Variants in RASEF observed in about 807,000 individuals in gnomAD.
RASEF encodes ras and EF-hand domain-containing protein.
In RASEF, 68 loss-of-function variants were observed where a neutral mutation model predicts 90.1. The ratio of observed to expected loss-of-function variants is 0.75; its 90% CI spans 0.62 to 0.92. The LOEUF is 0.92. RASEF is among the 40% of genes least tolerant of loss of function. The probability of loss-of-function intolerance (pLI) is 0.00; values close to 1 mark genes in which losing one functional copy is unlikely to be tolerated. For synonymous variants in RASEF, 331 were observed against 345.2 expected, an observed-to-expected ratio of 0.96 and a Z score of 0.46; for missense variants, 949 against 937.2, an observed-to-expected ratio of 1.01 and a Z score of -0.16.
the RASEF span, among the ~76,000 whole-genome samples, chr9:83,146,624 T>C: frequency 6.6e-6 from 1 of 152,206 alleles, no homozygotes; most frequent in African/African-American, 2.4e-5. Context: ...AAATCTCTTT[T>C]TGACAGCTTC....
chr9:82,989,572 C>A (rs1828774410), intron 16 of RASEF, among the ~76,000 whole-genome samples: 1 of 152,090 alleles, frequency 6.6e-6, no homozygotes, highest in Non-Finnish European at 1.5e-5. Flanking sequence ...TTTTAACTAT[C>A]AATATTTACT....
the RASEF span, among the ~76,000 whole-genome samples, chr9:83,126,666 A>G: frequency 6.6e-6 from 1 of 152,210 alleles, no homozygotes; most frequent in African/African-American, 2.4e-5. Context: ...GACTCTCAGT[A>G]GCTACCTACT....
chr9:83,185,618 A>G, the RASEF span, among the ~76,000 whole-genome samples: 1 of 152,088 alleles, frequency 6.6e-6, no homozygotes, highest in Non-Finnish European at 1.5e-5. Context: ...CAACAACAAA[A>G]CACACATGAA....
chr9:83,119,721 CTATGGGAGGG>C, the RASEF span, among the ~76,000 whole-genome samples: 1 of 152,160 alleles, frequency 6.6e-6, no homozygotes, highest in East Asian at 1.9e-4. Flanking sequence ...TTCCCAAGTG[CTATGGGAGGG>C]ACCCAGTGGG....
the RASEF span, among the ~76,000 whole-genome samples, chr9:83,207,896 G>A: frequency 9.8e-4 from 149 of 152,254 alleles, no homozygotes; most frequent in African/African-American, 3.3e-3. Context: ...ATGAACCACC[G>A]CGCCTGGCCA....
At chr9:83,022,636 A>T (rs938533344) in intron 2 of RASEF, among the ~76,000 whole-genome samples, 6 of 152,232 alleles carry the variant, frequency 3.9e-5, no homozygotes, top group African/African-American at 1.4e-4. Context: ...AGATACAGTT[A>T]TGCATTCCTT....
intron 1 of RASEF, among the ~76,000 whole-genome samples, chr9:83,047,276 A>G (rs970058083): frequency 6.6e-6 from 1 of 152,186 alleles, no homozygotes. Flanking sequence ...AAACAAAACA[A>G]AAAAAGAAAA....
At chr9:83,044,731 A>G (rs1388058421) in intron 1 of RASEF, among the ~76,000 whole-genome samples, 1 of 152,186 alleles carries the variant, frequency 6.6e-6, no homozygotes, top group Non-Finnish European at 1.5e-5. Flanking sequence ...TATGATGGTG[A>G]ATTTTATTTA....
At chr9:83,189,084 A>G in the RASEF span, among the ~76,000 whole-genome samples, 1 of 152,202 alleles carries the variant, frequency 6.6e-6, no homozygotes, top group African/African-American at 2.4e-5. Flanking sequence ...CTGCGTCCCC[A>G]ACCAAATCTC....
chr9:83,145,463 A>T, the RASEF span, among the ~76,000 whole-genome samples: 2 of 152,022 alleles, frequency 1.3e-5, no homozygotes, highest in South Asian at 4.1e-4. Context: ...AATAACCCTG[A>T]GTTCGTTTAG....
At chr9:83,040,238 TTG>T (rs1420549505) in intron 1 of RASEF, among the ~76,000 whole-genome samples, 2 of 152,138 alleles carry the variant, frequency 1.3e-5, no homozygotes, top group Non-Finnish European at 2.9e-5. Context: ...CACCTCAGGT[TTG>T]TGTTTTTGTG....
chr9:83,160,258 C>A, the RASEF span, among the ~76,000 whole-genome samples: 2 of 152,046 alleles, frequency 1.3e-5, no homozygotes, highest in African/African-American at 4.8e-5. Context: ...GTTTGGAACT[C>A]CCTAGAGACT....
chr9:83,064,549 C>A (rs1466300737), upstream of RASEF, among the ~76,000 whole-genome samples: 3 of 152,134 alleles, frequency 2.0e-5, no homozygotes, highest in African/African-American at 7.2e-5. Context: ...AATCTTTGAA[C>A]TATTATTATA....
chr9:83,000,299 G>C lies in RASEF; in HGVS notation c.1593C>G (p.Asp531Glu). 11 of 1,613,854 alleles carry C rather than the reference G, an allele frequency of 6.8e-6. No homozygotes were observed. The highest frequency in any genetic ancestry group is 9.3e-6 in the Non-Finnish European group (11 of 1,179,960). Residue 531 changes from aspartate to glutamate, a missense_variant, in exon 12 of 17, where the codon GAC becomes GAG. Physicochemically the swap from Asp to Glu is conservative, Grantham distance 45. Around this residue, in one of 3 missense-constraint regions of RASEF, gnomAD observed 288 missense variants for 328.4 expected, o/e 0.88. Coordinates refer to ENST00000376447, the MANE Select transcript of RASEF (RefSeq NM_152573.4). ...TCTGTGAGCTAAAAGATTTAGCGTT[G>C]TCATCTACCAGGTCTGTCTGGGGGG... is the stretch of plus-strand genomic sequence containing the variant. ...ALSPQTDLVD[D>E]NAKSFSSQKA...
At chr9:83,037,621 A>G (rs1317273592) in intron 1 of RASEF, among the ~76,000 whole-genome samples, 4 of 152,174 alleles carry the variant, frequency 2.6e-5, no homozygotes, top group African/African-American at 9.7e-5. Flanking sequence ...ATTGACACAC[A>G]TAATTACATT....
the RASEF span, among the ~76,000 whole-genome samples, chr9:83,082,591 T>G: frequency 1.3e-5 from 2 of 151,892 alleles, no homozygotes; most frequent in African/African-American, 4.8e-5. Flanking sequence ...TAGTCCAACA[T>G]GCAAGACAAA....
chr9:83,208,430 T>G, the RASEF span, among the ~76,000 whole-genome samples: 3 of 152,180 alleles, frequency 2.0e-5, no homozygotes, highest in African/African-American at 7.2e-5. Context: ...TGTCTGTCAG[T>G]GGACTCCAGA....
At chr9:83,074,782 G>A in the RASEF span, among the ~76,000 whole-genome samples, 1 of 152,156 alleles carries the variant, frequency 6.6e-6, no homozygotes, top group Non-Finnish European at 1.5e-5. Flanking sequence ...AAAAAGGGAA[G>A]GATGAACACA....
chr9:83,158,855 A>C, the RASEF span, among the ~76,000 whole-genome samples: 1 of 151,502 alleles, frequency 6.6e-6, no homozygotes, highest in Non-Finnish European at 1.5e-5. Context: ...CACCTGGGGT[A>C]GGTAAATAAA....
Sources: gnomAD v4.1 joint callset for allele counts (sites outside exome capture counted in the v4.1 genomes callset) on GRCh38, gnomAD v4.1.1 for gene constraint, gnomAD v4.1.1 regional missense constraint, MANE v1.5 for transcripts, NCBI Gene and HGNC (gene_info 2026-07-23, HGNC 2026-07-21) for gene names.